The following TMC1 variants were observed in gnomAD, a reference collection of about 807,000 sequenced individuals.
TMC1 encodes transmembrane channel-like protein 1.
Under a neutral mutation model 105.8 loss-of-function variants are expected in TMC1, and 84 were observed. That is an observed-to-expected ratio of 0.79 (90% CI 0.67 to 0.95). The LOEUF is 0.95. Among genes scored for constraint, TMC1 ranks in the 40% least tolerant of loss-of-function variants. The pLI, the probability that TMC1 is intolerant of heterozygous loss-of-function variation, is 0.00. For synonymous variants in TMC1, 315 were observed against 311.5 expected (o/e 1.01, Z -0.12); for missense variants, 817 against 914.1 (o/e 0.89, Z 1.37).
At chr9:72,623,120 TTTTA>T (rs998529363) in intron 3 of TMC1, among the ~76,000 whole-genome samples, 8 of 147,746 alleles carry the variant, frequency 5.4e-5, no homozygotes, top group South Asian at 2.1e-4. Flanking sequence ...AAAGAAAGGG[TTTTA>T]TTTGTCTTCT....
intron 8 of TMC1, among the ~76,000 whole-genome samples, chr9:72,735,720 G>C (rs1471389921): frequency 6.6e-6 from 1 of 152,120 alleles, no homozygotes; most frequent in Admixed American, 6.5e-5. Flanking sequence ...CCCTCTCCTT[G>C]AGTCTCTGAT....
intron 1 of TMC1, among the ~76,000 whole-genome samples, chr9:72,530,783 G>A (rs1823486061): frequency 6.8e-6 from 1 of 147,770 alleles, no homozygotes; most frequent in South Asian, 2.1e-4. Flanking sequence ...CAAATTTTCA[G>A]CTTTAGGATA....
chr9:72,650,430 A>G (rs923704739), intron 5 of TMC1, among the ~76,000 whole-genome samples: 9 of 152,122 alleles, frequency 5.9e-5, no homozygotes, highest in African/African-American at 2.2e-4. Context: ...ACTAGAGGTA[A>G]AGGAAAGATA....
At chr9:72,569,645 G>A (rs976991109) in intron 1 of TMC1, among the ~76,000 whole-genome samples, 1 of 152,192 alleles carries the variant, frequency 6.6e-6, no homozygotes, top group Non-Finnish European at 1.5e-5. Context: ...ACTACAGGTA[G>A]CTGCAGGGAG....
chr9:72,585,552 A>G (rs1210350465), intron 2 of TMC1, among the ~76,000 whole-genome samples: 1 of 152,244 alleles, frequency 6.6e-6, no homozygotes, highest in Admixed American at 6.5e-5. Flanking sequence ...AATGACAGAC[A>G]TTAACTGGAT....
At chr9:72,615,918 A>T (rs1273378191) in intron 2 of TMC1, among the ~76,000 whole-genome samples, 1 of 151,692 alleles carries the variant, frequency 6.6e-6, no homozygotes, top group East Asian at 1.9e-4. Flanking sequence ...ACACTCAGCT[A>T]ATTTTTTTTA....
At chr9:72,683,767 A>ATATATATATG (rs1826332256) in intron 5 of TMC1, among the ~76,000 whole-genome samples, 1 of 130,874 alleles carries the variant, frequency 7.6e-6, no homozygotes, top group African/African-American at 2.9e-5. Context: ...ATATATATAT[A>ATATATATATG]TATATATGTT....
At chr9:72,531,940 T>G (rs1823504035) in intron 1 of TMC1, among the ~76,000 whole-genome samples, 1 of 152,058 alleles carries the variant, frequency 6.6e-6, no homozygotes, top group Admixed American at 6.5e-5. Context: ...TTATTTTTAT[T>G]TATTTATTCG....
chr9:72,754,884 TGTAA>T lies in TMC1; in HGVS notation c.741+3_741+6del, dbSNP rs759919417. Reference sequence around the variant, plus strand: ...ACTTTGGTGTGTTGTACGACTTCAATGTAAGTGTCTCCACACAAGTGTATTGGTG... The same window carrying T: ...ACTTTGGTGTGTTGTACGACTTCAATGTGTCTCCACACAAGTGTATTGGTG... On this transcript the variant is annotated splice_donor_variant and splice_donor_region_variant and intron_variant, in intron 12 of 23. Coordinates refer to ENST00000297784, the MANE Select transcript of TMC1 (RefSeq NM_138691.3). LOFTEE classifies it high-confidence loss of function. The T allele has an allele frequency of 1.2e-6, 2 of 1,610,032 alleles. No individual in the cohort carries two copies. Among genetic ancestry groups the T allele is most frequent in the East Asian group, 2.2e-5 (1 of 44,852 alleles).
At chr9:72,697,167 T>C (rs71505991) in intron 7 of TMC1, among the ~76,000 whole-genome samples, 4,762 of 152,252 alleles carry the variant, frequency 0.031, 111 homozygotes, top group Non-Finnish European at 0.044. Context: ...GTAGTTGTTA[T>C]ATTTTAGTGT....
intron 1 of TMC1, among the ~76,000 whole-genome samples, chr9:72,527,743 A>C (rs1460718497): frequency 6.6e-6 from 1 of 152,148 alleles, no homozygotes; most frequent in African/African-American, 2.4e-5. Context: ...TGCCACTGCT[A>C]CCAAGCTGCA....
intron 2 of TMC1, among the ~76,000 whole-genome samples, chr9:72,592,145 C>CT (rs1281511818): frequency 6.6e-6 from 1 of 152,146 alleles, no homozygotes; most frequent in Non-Finnish European, 1.5e-5. Context: ...CTCCAGGACT[C>CT]TTACAGTTTT....
intron 8 of TMC1, among the ~76,000 whole-genome samples, chr9:72,707,544 C>A (rs1352928196): frequency 6.6e-6 from 1 of 152,088 alleles, no homozygotes; most frequent in African/African-American, 2.4e-5. Flanking sequence ...GTTTTTTGGT[C>A]GTTTGTATAT....
At chr9:72,803,536 GA>G (rs1247389993) in intron 17 of TMC1, among the ~76,000 whole-genome samples, 1 of 151,902 alleles carries the variant, frequency 6.6e-6, no homozygotes, top group Non-Finnish European at 1.5e-5. Context: ...AAATTTACGA[GA>G]AAAAAACATA....
At chr9:72,708,917 G>A (rs983178280) in intron 8 of TMC1, among the ~76,000 whole-genome samples, 14 of 151,880 alleles carry the variant, frequency 9.2e-5, no homozygotes, top group African/African-American at 2.9e-4. Context: ...ATTACATTGA[G>A]GTACGTCCCT....
intron 1 of TMC1, among the ~76,000 whole-genome samples, chr9:72,544,331 C>T (rs1383835236): frequency 7.8e-6 from 1 of 128,272 alleles, no homozygotes; most frequent in East Asian, 2.1e-4. Flanking sequence ...CCAGGCCCCT[C>T]AAGGTATATC....
chr9:72,538,015 G>T (rs1348823853), intron 1 of TMC1, among the ~76,000 whole-genome samples: 2 of 152,100 alleles, frequency 1.3e-5, no homozygotes, highest in Non-Finnish European at 2.9e-5. Context: ...AATTAGATGG[G>T]CATGGTGGAG....
chr9:72,749,933 C>A (rs1169289162), intron 10 of TMC1, among the ~76,000 whole-genome samples: 2 of 151,972 alleles, frequency 1.3e-5, no homozygotes, highest in Non-Finnish European at 2.9e-5. Flanking sequence ...ATGGTGAAAC[C>A]CTGTTTCCAC....
Position 72,601,311 on chromosome 9 carries a change from T to C in TMC1, c.-305-15057T>C, listed in dbSNP as rs142186665. ...ACTTGAAACAAGGAGTTTGAGACTA[T>C]CCTGGGCCACATAGTGAGACCCTGT... On this transcript the variant is annotated intron_variant, in intron 2 of 23. Coordinates refer to ENST00000297784, the MANE Select transcript of TMC1 (RefSeq NM_138691.3). 3.9e-4 allele frequency among the ~76,000 whole-genome samples: 59 copies of C among 151,960 alleles called. 1 individual carries two copies. The East Asian group carries it at 0.01, about 27-fold the overall frequency.
Sources: allele counts gnomAD v4.1 joint callset (sites outside exome capture counted in the v4.1 genomes callset), GRCh38; gene constraint gnomAD v4.1.1; transcripts MANE v1.5; gene names NCBI Gene and HGNC (gene_info 2026-07-23, HGNC 2026-07-21).